LPIN2: variants seen among roughly 807,000 people sequenced by gnomAD.
The protein encoded by LPIN2 is phosphatidate phosphatase LPIN2.
A neutral mutation model predicts 111.4 loss-of-function variants in LPIN2; 55 were observed. That is an observed-to-expected ratio of 0.49 (90% confidence interval 0.40 to 0.62). The LOEUF (loss-of-function observed/expected upper bound fraction) is 0.62. Ranked by LOEUF, LPIN2 falls within the 20% of genes least tolerant of loss-of-function variation. LPIN2 has a pLI of 0.00. For synonymous variants in LPIN2, 425 were observed against 414.0 expected (o/e 1.03, Z -0.32); for missense variants, 992 against 1,112.1 (o/e 0.89, Z 1.54).
chr18:2,995,010 T>C (rs1238108637), intron 1 of LPIN2, among the ~76,000 whole-genome samples: 2 of 152,132 alleles, frequency 1.3e-5, no homozygotes, highest in African/African-American at 4.8e-5. Flanking sequence ...GGATGGAACC[T>C]TCTTCAGTTT....
intron 1 of LPIN2, among the ~76,000 whole-genome samples, chr18:2,982,438 AACGAAT>A (rs923153677): frequency 5.3e-5 from 8 of 152,218 alleles, no homozygotes; most frequent in African/African-American, 1.9e-4. Flanking sequence ...GTTAAATAAC[AACGAAT>A]AGAGATAGCA....
chr18:2,960,176 G>A (rs1421952165), intron 2 of LPIN2, among the ~76,000 whole-genome samples: 79 of 43,566 alleles, frequency 1.8e-3, no homozygotes, highest in African/African-American at 5.5e-3. Flanking sequence ...ACTCAAAAAT[G>A]TGTGTGTGTG....
intron 1 of LPIN2, among the ~76,000 whole-genome samples, chr18:2,992,343 T>C (rs1237043229): frequency 6.6e-6 from 1 of 152,180 alleles, no homozygotes; most frequent in African/African-American, 2.4e-5. Flanking sequence ...TGATTCCAAT[T>C]ATGTGAAATA....
intron 19 of LPIN2, 80 bp downstream of exon 19, chr18:2,920,698 G>T: frequency 9.3e-7 from 1 of 1,073,492 alleles, no homozygotes. Flanking sequence ...AAGGATCAGG[G>T]GGAAAAGGAC....
At chr18:2,958,331 T>TCC (rs1372461516) in intron 2 of LPIN2, among the ~76,000 whole-genome samples, 1 of 151,990 alleles carries the variant, frequency 6.6e-6, no homozygotes, top group Non-Finnish European at 1.5e-5. Context: ...AACAATTACG[T>TCC]ATCAATGGCA....
chr18:2,944,141 T>A (rs1339911882), intron 4 of LPIN2, among the ~76,000 whole-genome samples: 1 of 151,772 alleles, frequency 6.6e-6, no homozygotes, highest in Non-Finnish European at 1.5e-5. Flanking sequence ...ATCCAAACGA[T>A]CTAATTCTGT....
intron 3 of LPIN2, among the ~76,000 whole-genome samples, chr18:2,951,604 T>A (rs1420998247): frequency 6.6e-6 from 1 of 152,138 alleles, no homozygotes; most frequent in Admixed American, 6.5e-5. Flanking sequence ...GGAACTGACA[T>A]GCCAAGTCAG....
At chr18:2,937,410 T>C (rs1425499282) in intron 7 of LPIN2, among the ~76,000 whole-genome samples, 4 of 151,546 alleles carry the variant, frequency 2.6e-5, no homozygotes, top group African/African-American at 9.7e-5. Context: ...CCGGGGATGG[T>C]GGTGTGTGCC....
At chr18:2,952,353 G>T (rs974998550) in intron 3 of LPIN2, among the ~76,000 whole-genome samples, 1 of 152,164 alleles carries the variant, frequency 6.6e-6, no homozygotes, top group African/African-American at 2.4e-5. Flanking sequence ...TTGGACCTGA[G>T]GGGGAGGTTG....
At chr18:2,932,860 G>A (rs1396238705) in intron 8 of LPIN2, among the ~76,000 whole-genome samples, 1 of 152,208 alleles carries the variant, frequency 6.6e-6, no homozygotes, top group Non-Finnish European at 1.5e-5. Context: ...ATCCCTGTGG[G>A]CAAGGCCTCC....
chr18:2,974,001 C>T (rs1437307362), intron 1 of LPIN2, among the ~76,000 whole-genome samples: 1 of 152,168 alleles, frequency 6.6e-6, no homozygotes, highest in Non-Finnish European at 1.5e-5. Flanking sequence ...TTTGTGTGAA[C>T]ATAATTTCAT....
rs371809235 is a variant in LPIN2 at position 2,926,858 on chromosome 18, C to A, written c.1711-53G>T. 7 of 1,400,066 alleles carry A rather than the reference C, an allele frequency of 5.0e-6. No individual in the cohort carries two copies. In the African/African-American group the frequency reaches 9.9e-5, roughly 20 times the overall value. The allele number at this position is 1,400,066 out of a possible 1,614,324, so 86.7% of individuals were successfully genotyped here. ...ATGCAATTTTTTCCCTACAGATAAG[C>A]CAAGTTCATCAGCAGCCCTCTCTAG... On this transcript the variant is annotated intron_variant, in intron 12 of 19. Coordinates refer to ENST00000677752, the MANE Select transcript of LPIN2 (RefSeq NM_001375808.2).
Position 2,951,310 on chromosome 18 carries a change from T to A in LPIN2, c.335A>T (p.Asp112Val), listed in dbSNP as rs749272718. ...GGTGTCAATATCTTTAAAGAACTGA[T>A]CTTCAGTAGGAATTGGTGAGGTGGC... Reference protein sequence around the residue: ...YLATSPIPTEDQFFKDIDTPL... With the variant: ...YLATSPIPTEVQFFKDIDTPL... The change falls in exon 4 of 20, where the codon GAT becomes GTT. Residue 112 changes from aspartate to valine, a missense_variant. Coordinates refer to ENST00000677752, the MANE Select transcript of LPIN2 (RefSeq NM_001375808.2). 6.2e-7 allele frequency: 1 copy of A among 1,614,148 alleles called. No homozygotes were observed. Among genetic ancestry groups the A allele is most frequent in the Non-Finnish European group, 8.5e-7 (1 of 1,180,028 alleles).
intron 1 of LPIN2, among the ~76,000 whole-genome samples, chr18:2,969,208 T>A (rs528154264): frequency 2.0e-5 from 3 of 152,242 alleles, no homozygotes; most frequent in African/African-American, 4.8e-5. Flanking sequence ...TAGGGAAGCA[T>A]AGTTCCATGT....
intron 19 of LPIN2, 31 bp downstream of exon 19, chr18:2,920,747 G>A (rs759506860): frequency 1.1e-5 from 17 of 1,550,774 alleles, no homozygotes; most frequent in Non-Finnish European, 1.5e-5. Context: ...TGGCTGCAGG[G>A]CGCCGGGCTG....
chr18:2,949,456 T>C (rs1483504289), intron 4 of LPIN2, among the ~76,000 whole-genome samples: 1 of 152,230 alleles, frequency 6.6e-6, no homozygotes, highest in African/African-American at 2.4e-5. Context: ...ACTTTTCCAC[T>C]ATTGCTTTCC....
intron 1 of LPIN2, among the ~76,000 whole-genome samples, chr18:3,000,926 T>TAAA (rs11405069): frequency 7.0e-6 from 1 of 143,264 alleles, no homozygotes; most frequent in Non-Finnish European, 1.5e-5. Flanking sequence ...AGAAAGGTGC[T>TAAA]AAAAAAAATG....
Position 2,919,820 on chromosome 18 carries a change from A to C in LPIN2, c.*473T>G. 1 of 217,090 alleles carries C rather than the reference A, an allele frequency of 4.6e-6. No homozygotes were observed. The allele number at this position is 217,090 out of a possible 1,614,324, so 13.4% of individuals were successfully genotyped here. On this transcript the variant is annotated 3_prime_UTR_variant, in exon 20 of 20. Coordinates refer to ENST00000677752, the MANE Select transcript of LPIN2 (RefSeq NM_001375808.2). ...TGAGGCGACCAGAGAAGAAACGTGC[A>C]CAGGCAGCTTCAGCCAGCATCACTG...
chr18:3,001,066 C>G (rs989280400), intron 1 of LPIN2, among the ~76,000 whole-genome samples: 2 of 152,120 alleles, frequency 1.3e-5, no homozygotes, highest in African/African-American at 4.8e-5. Context: ...TAAAGGAAAA[C>G]TATTTCCATT....
Sources: gnomAD v4.1 joint callset for allele counts (sites outside exome capture counted in the v4.1 genomes callset) on GRCh38, gnomAD v4.1.1 for gene constraint, MANE v1.5 for transcripts, NCBI Gene and HGNC (gene_info 2026-07-23, HGNC 2026-07-21) for gene names.